The following SPDL1 variants were observed in gnomAD, a reference collection of about 807,000 sequenced individuals.
SPDL1 encodes spindle apparatus coiled-coil protein 1.
SPDL1 carries 85 observed loss-of-function variants against 79.5 expected under a neutral mutation model. That is an observed-to-expected ratio of 1.07 (90% CI 0.90 to 1.28). The LOEUF (loss-of-function observed/expected upper bound fraction) is 1.28. Among genes scored for constraint, SPDL1 ranks in the 50% most tolerant of loss-of-function variants. The probability of loss-of-function intolerance (pLI) is 0.00; values close to 1 mark genes in which losing one functional copy is unlikely to be tolerated. For synonymous variants in SPDL1, 269 were observed against 240.3 expected, an observed-to-expected ratio of 1.12 and a Z score of -1.10; for missense variants, 703 against 697.8, an observed-to-expected ratio of 1.01 and a Z score of -0.08.
At chr5:169,593,574 A>G (rs747199503) in intron 4 of SPDL1, 26 bp downstream of exon 4, 2 of 1,517,898 alleles carry the variant, frequency 1.3e-6, no homozygotes, top group African/African-American at 1.4e-5. Context: ...TGTGTTTCTC[A>G]GGGTTTTCTC....
chr5:169,590,636 T>G (rs1755223677), intron 2 of SPDL1: 16 of 429,168 alleles, frequency 3.7e-5, no homozygotes, highest in South Asian at 2.7e-4. Context: ...ATTTCTTTTT[T>G]TTCAACTATT....
intron 3 of SPDL1, among the ~76,000 whole-genome samples, chr5:169,592,198 A>C (rs967201593): frequency 6.8e-6 from 1 of 147,478 alleles, no homozygotes; most frequent in South Asian, 2.1e-4. Flanking sequence ...AACATCAATG[A>C]AAGTATTTTT....
chr5:169,600,692 A>G (rs1755831527), intron 10 of SPDL1, among the ~76,000 whole-genome samples: 2 of 152,222 alleles, frequency 1.3e-5, no homozygotes, highest in Admixed American at 6.5e-5. Flanking sequence ...ATGAGACATG[A>G]TAGGATTGGA....
intron 1 of SPDL1, among the ~76,000 whole-genome samples, chr5:169,587,637 A>G (rs1397485188): frequency 1.3e-5 from 2 of 152,198 alleles, no homozygotes; most frequent in East Asian, 1.9e-4. Context: ...AATTACAGAC[A>G]TGATATTTCT....
chr5:169,593,063 C>T (rs1476565709), intron 3 of SPDL1, among the ~76,000 whole-genome samples: 2 of 152,162 alleles, frequency 1.3e-5, no homozygotes, highest in East Asian at 1.9e-4. Context: ...TTGCTTGCTT[C>T]CATTGTTTCT....
chr5:169,584,637 G>T (rs1754886269), intron 1 of SPDL1, among the ~76,000 whole-genome samples: 1 of 152,180 alleles, frequency 6.6e-6, no homozygotes, highest in Admixed American at 6.5e-5. Flanking sequence ...TGTCCCAAAT[G>T]CTTTGTGTGT....
intron 3 of SPDL1, among the ~76,000 whole-genome samples, chr5:169,592,282 T>A (rs1755332390): frequency 7.0e-6 from 1 of 142,964 alleles, no homozygotes; most frequent in Non-Finnish European, 1.5e-5. Flanking sequence ...AGTGGCATGA[T>A]CTCGGCTCAC....
intron 9 of SPDL1, 108 bp downstream of exon 9, chr5:169,598,687 A>C: frequency 9.4e-7 from 1 of 1,065,344 alleles, no homozygotes; most frequent in Non-Finnish European, 1.4e-6. Flanking sequence ...ATTTTCCGAA[A>C]AGAAAGGTAA....
intron 3 of SPDL1, 21 bp from the exon 4 acceptor site, chr5:169,593,333 C>G: frequency 1.6e-6 from 2 of 1,256,128 alleles, no homozygotes; most frequent in African/African-American, 1.6e-5. Flanking sequence ...CAATTTATGA[C>G]TTTTTTTTTT....
In SPDL1 at chr5:169,604,463, G is replaced by T. The variant is rs770921258; in HGVS notation, c.*256G>T. The T allele has an allele frequency of 5.2e-5, 12 of 231,192 alleles. No individual in the cohort carries two copies. The highest frequency in any genetic ancestry group is 5.0e-5 in the Non-Finnish European group (6 of 119,874). 14.3% of individuals were successfully genotyped at this position (231,192 alleles called of 1,614,324 possible). A position where few individuals can be genotyped will look rare whatever the true frequency, so the allele number is the denominator to read the frequency against. ...ATTGAAGGAAAATGTTATAATTAAT[G>T]TATCTATTTGCTGCATTGTATATGG... On this transcript the variant is annotated 3_prime_UTR_variant, in exon 12 of 12. Coordinates refer to ENST00000265295, the MANE Select transcript of SPDL1 (RefSeq NM_017785.5).
rs1755909480 is a variant in SPDL1, at chr5:169,601,451, T to C, written c.1496T>C (p.Leu499Ser). The change falls in exon 11 of 12, where the codon TTG becomes TCG. Residue 499 changes from leucine (L) to serine (S), a missense_variant. Physicochemically the swap from Leu to Ser is moderately radical, Grantham distance 145 (BLOSUM62 -2). Coordinates refer to ENST00000265295, the MANE Select transcript of SPDL1 (RefSeq NM_017785.5). The part of the protein sequence containing the change: ...SCPNSLEDNN[L>S]QLEKSVSIYT... The stretch of plus-strand genomic sequence containing the variant: ...CCTAACAGTTTAGAAGATAACAACT[T>C]GCAATTAGAAAAATCAGTTTCTATA... 1 of 1,614,012 alleles carries C rather than the reference T, an allele frequency of 6.2e-7. No homozygotes were observed. The highest frequency in any genetic ancestry group is 1.3e-5 in the African/African-American group (1 of 74,908).
chr5:169,588,629 G>T (rs1407058486), intron 2 of SPDL1, 54 bp downstream of exon 2: 1 of 1,496,824 alleles, frequency 6.7e-7, no homozygotes, highest in Non-Finnish European at 9.0e-7. Context: ...TTGAAGATTT[G>T]TCCTGTTTAG....
intron 1 of SPDL1, 58 bp from the exon 2 acceptor site, chr5:169,588,336 T>C: frequency 2.5e-6 from 3 of 1,184,434 alleles, no homozygotes; most frequent in Non-Finnish European, 3.6e-6. Flanking sequence ...CTGTTATTGA[T>C]ATTATTGCAT....
chr5:169,604,173 A>T lies in SPDL1; in HGVS notation c.1784A>T (p.Lys595Ile). The T allele has an allele frequency of 1.2e-6, 2 of 1,607,494 alleles. No individual in the cohort carries two copies. Among genetic ancestry groups the T allele is most frequent in the Non-Finnish European group, 1.7e-6 (2 of 1,177,726 alleles). The change falls in exon 12 of 12, where the codon AAA becomes ATA. Residue 595 changes from lysine (K) to isoleucine (I), a missense_variant. Physicochemically the swap from Lys to Ile is moderately radical, Grantham distance 102. Coordinates refer to ENST00000265295, the MANE Select transcript of SPDL1 (RefSeq NM_017785.5). ...CACCCTATTCTATATGTGTCTTCTA[A>T]ATCTACTCCAGAGACCCAGTGCCCT... is the stretch of plus-strand genomic sequence containing the variant. ...KLHPILYVSS[K>I]STPETQCPQQ
At chr5:169,586,244 A>G (rs1379170656) in intron 1 of SPDL1, 2 of 152,294 alleles carry the variant, frequency 1.3e-5, no homozygotes, top group Non-Finnish European at 2.9e-5. Flanking sequence ...TTCAAGTTCA[A>G]TGGCCAGTTC....
At chr5:169,601,072 A>G (rs987082979) in intron 10 of SPDL1, among the ~76,000 whole-genome samples, 2 of 152,238 alleles carry the variant, frequency 1.3e-5, no homozygotes, top group African/African-American at 2.4e-5. Flanking sequence ...GGAAAAATAT[A>G]TAGCCAAATA....
chr5:169,598,919 A>C (rs983738858), intron 9 of SPDL1, 53 bp from the exon 10 acceptor site: 4 of 1,494,882 alleles, frequency 2.7e-6, no homozygotes, highest in Admixed American at 2.5e-5. Flanking sequence ...ATACCACTAC[A>C]CTTATTATAT....
At chr5:169,593,151 G>A (rs1755387407) in intron 3 of SPDL1, among the ~76,000 whole-genome samples, 1 of 152,082 alleles carries the variant, frequency 6.6e-6, no homozygotes, top group Non-Finnish European at 1.5e-5. Flanking sequence ...GAGGCATCCA[G>A]ACCCACCCCG....
chr5:169,597,094 C>T (rs756873382), intron 8 of SPDL1, among the ~76,000 whole-genome samples: 17 of 152,234 alleles, frequency 1.1e-4, no homozygotes, highest in Middle Eastern at 3.4e-3. Flanking sequence ...ATTTGATAGT[C>T]GAAGTGCTCT....
Sources: gnomAD v4.1 joint callset for allele counts (sites outside exome capture counted in the v4.1 genomes callset) on GRCh38, gnomAD v4.1.1 for gene constraint, MANE v1.5 for transcripts, NCBI Gene and HGNC (gene_info 2026-07-23, HGNC 2026-07-21) for gene names.